INVS: variants seen among roughly 807,000 people sequenced by gnomAD.
INVS encodes the protein inversin.
INVS carries 86 observed loss-of-function variants against 108.8 expected under a neutral mutation model. The ratio of observed to expected loss-of-function variants is 0.79; its 90% CI spans 0.66 to 0.95. The LOEUF (loss-of-function observed/expected upper bound fraction) is 0.95. Among genes scored for constraint, INVS ranks in the 40% least tolerant of loss-of-function variants. The pLI, the probability that INVS is intolerant of heterozygous loss-of-function variation, is 0.00. For synonymous variants in INVS, 455 were observed against 473.5 expected (o/e 0.96, Z 0.51); for missense variants, 1,169 against 1,297.4 (o/e 0.90, Z 1.52).
chr9:100,281,419 T>G (rs1175249085), intron 12 of INVS, among the ~76,000 whole-genome samples: 1 of 152,216 alleles, frequency 6.6e-6, no homozygotes, highest in Non-Finnish European at 1.5e-5. Flanking sequence ...ATTGTGTGTG[T>G]TGTTGTTATT....
intron 3 of INVS, among the ~76,000 whole-genome samples, chr9:100,171,207 G>A (rs1265150276): frequency 6.6e-6 from 1 of 152,068 alleles, no homozygotes; most frequent in African/African-American, 2.4e-5. Flanking sequence ...GTCACACCCA[G>A]CCTGTTTTTT....
At chr9:100,286,898 T>C (rs765404460) in intron 13 of INVS, among the ~76,000 whole-genome samples, 4 of 152,246 alleles carry the variant, frequency 2.6e-5, no homozygotes, top group Non-Finnish European at 4.4e-5. Flanking sequence ...TCATCACTTT[T>C]TACTGTTATT....
intron 14 of INVS, among the ~76,000 whole-genome samples, chr9:100,293,576 A>C (rs190085870): frequency 7.2e-5 from 11 of 152,350 alleles, no homozygotes; most frequent in Non-Finnish European, 1.5e-4. Flanking sequence ...TGGATATAAC[A>C]GATTGAGTGA....
chr9:100,171,524 A>C (rs1395795217), intron 3 of INVS, among the ~76,000 whole-genome samples: 8 of 152,186 alleles, frequency 5.3e-5, no homozygotes, highest in Admixed American at 5.2e-4. Flanking sequence ...ATTGACTATG[A>C]GGTAGAAAAC....
intron 3 of INVS, among the ~76,000 whole-genome samples, chr9:100,204,003 A>G (rs925692688): frequency 2.0e-5 from 3 of 152,000 alleles, no homozygotes; most frequent in Non-Finnish European, 4.4e-5. Flanking sequence ...TTTTTTTTCC[A>G]GCATAAACTA....
intron 3 of INVS, among the ~76,000 whole-genome samples, chr9:100,223,859 A>G (rs1245399329): frequency 6.6e-6 from 1 of 152,118 alleles, no homozygotes. Context: ...AGTCAATCCT[A>G]TCTCTGCCCC....
At chr9:100,265,653 A>G (rs1057360217) in intron 11 of INVS, among the ~76,000 whole-genome samples, 2 of 152,222 alleles carry the variant, frequency 1.3e-5, no homozygotes, top group African/African-American at 4.8e-5. Flanking sequence ...AGATGCCACC[A>G]TGTAGCATGA....
chr9:100,296,203 C>T (rs1010452446), intron 14 of INVS, among the ~76,000 whole-genome samples: 28 of 152,316 alleles, frequency 1.8e-4, no homozygotes, highest in African/African-American at 6.3e-4. Flanking sequence ...AGATAATAAA[C>T]ATTGCTGCAG....
At chr9:100,283,037 G>T (rs968899429) in intron 12 of INVS, among the ~76,000 whole-genome samples, 9 of 152,194 alleles carry the variant, frequency 5.9e-5, no homozygotes. Context: ...AGCCGGGCGC[G>T]GTGGCTCACG....
chr9:100,144,069 G>A (rs564251153), intron 3 of INVS, among the ~76,000 whole-genome samples: 45 of 152,130 alleles, frequency 3.0e-4, no homozygotes, highest in African/African-American at 1.1e-3. Context: ...GATTTTCAGT[G>A]GGGTCCTACA....
At chr9:100,183,010 A>C (rs889798388) in intron 3 of INVS, among the ~76,000 whole-genome samples, 1 of 152,206 alleles carries the variant, frequency 6.6e-6, no homozygotes, top group African/African-American at 2.4e-5. Flanking sequence ...CATTCTCAGC[A>C]AACTAACACA....
rs1006788061 is a variant in INVS, at chr9:100,253,020, A to G, written c.1348A>G (p.Asn450Asp). ...QILIENKINPNVQDYAGRTPL... is the reference protein window; with the variant it reads ...QILIENKINPDVQDYAGRTPL... ...ATTAATAGAAAATAAGATCAATCCA[A>G]ATGTCCAGGATTATGCAGGAAGAAC... The change falls in exon 10 of 17, where the codon AAT becomes GAT. Residue 450 changes from asparagine to aspartate, a missense_variant. Around this residue, in one of 3 missense-constraint regions of INVS, gnomAD observed 271 missense variants for 363.8 expected, o/e 0.74. Transcript: ENST00000262457. 1.9e-6 allele frequency: 3 copies of G among 1,613,736 alleles called. No individual in the cohort carries two copies. The highest frequency in any genetic ancestry group is 1.3e-5 in the African/African-American group (1 of 74,906).
chr9:100,183,134 G>C (rs1157933231), intron 3 of INVS, among the ~76,000 whole-genome samples: 1 of 152,090 alleles, frequency 6.6e-6, no homozygotes, highest in African/African-American at 2.4e-5. Flanking sequence ...GGGGATGAGG[G>C]GTAAGAGGAG....
intron 1 of INVS, chr9:100,101,737 C>T (rs796702002): frequency 2.0e-5 from 3 of 152,304 alleles, no homozygotes; most frequent in African/African-American, 7.2e-5. Context: ...TTGGCGTGAC[C>T]TGCTTTTTGG....
chr9:100,284,038 TTA>T (rs1833356142), intron 12 of INVS, among the ~76,000 whole-genome samples: 1 of 152,156 alleles, frequency 6.6e-6, no homozygotes, highest in Non-Finnish European at 1.5e-5. Flanking sequence ...TGGGAGTGTG[TTA>T]TGTTTCACAC....
intron 5 of INVS, among the ~76,000 whole-genome samples, chr9:100,234,021 G>A (rs923036034): frequency 3.9e-5 from 6 of 152,100 alleles, no homozygotes; most frequent in Non-Finnish European, 7.4e-5. Flanking sequence ...TGGTTGGTAG[G>A]CTATTAATTA....
intron 1 of INVS, among the ~76,000 whole-genome samples, chr9:100,100,616 ATATGTATATAT>A: frequency 1.1e-5 from 1 of 90,740 alleles, no homozygotes; most frequent in African/African-American, 4.8e-5. Context: ...TATATATAAT[ATATGTATATAT>A]AATATATATA....
chr9:100,302,082 ACTT>A lies in INVS; in HGVS notation c.*1412_*1414del, dbSNP rs1833992138. ...CAGTGCAAAGAAAGAAGGTTCGTAA[ACTT>A]CTTTAAAAGTTCAGCTTTAATGACA... On this transcript the variant is annotated 3_prime_UTR_variant, in exon 17 of 17. Transcript: ENST00000262457. 2.2e-5 allele frequency: 14 copies of A among 639,818 alleles called. 1 individual carries two copies. In the South Asian group the frequency reaches 4.3e-4, roughly 20 times the overall value. The allele number at this position is 639,818 out of a possible 1,614,324, so 39.6% of individuals were successfully genotyped here. A position where few individuals can be genotyped will look rare whatever the true frequency, so the allele number is the denominator to read the frequency against.
intron 10 of INVS, among the ~76,000 whole-genome samples, chr9:100,260,658 T>C (rs1832594378): frequency 6.6e-6 from 1 of 152,212 alleles, no homozygotes. Flanking sequence ...GTAGTTACTA[T>C]TATTATTCTC....
Sources: allele counts gnomAD v4.1 joint callset (sites outside exome capture counted in the v4.1 genomes callset), GRCh38; gene constraint gnomAD v4.1.1; regional missense constraint gnomAD v4.1.1; transcripts MANE v1.5; gene names NCBI Gene and HGNC (gene_info 2026-07-23, HGNC 2026-07-21).